Variants in CCDC148 observed in about 807,000 individuals in gnomAD.
CCDC148 encodes coiled-coil domain containing 148.
Under a neutral mutation model 85.7 loss-of-function variants are expected in CCDC148, and 89 were observed. That is an observed-to-expected ratio of 1.04 (90% CI 0.87 to 1.24). CCDC148 has a LOEUF of 1.24. Ranked by LOEUF, CCDC148 falls within the 50% of genes most tolerant of loss-of-function variation. The pLI is 0.00. For missense variants in CCDC148, 692 were observed against 671.7 expected (o/e 1.03, Z -0.33); for synonymous variants, 230 against 213.9 (o/e 1.08, Z -0.66).
At chr2:158,258,339 G>A (rs1213007833) in intron 9 of CCDC148, among the ~76,000 whole-genome samples, 3 of 151,732 alleles carry the variant, frequency 2.0e-5, no homozygotes, top group Non-Finnish European at 4.4e-5. Flanking sequence ...AAAGACCAAC[G>A]TTTTTATGTC....
intron 1 of CCDC148, among the ~76,000 whole-genome samples, chr2:158,413,279 A>G (rs1419893671): frequency 6.6e-6 from 1 of 152,116 alleles, no homozygotes; most frequent in Non-Finnish European, 1.5e-5. Context: ...TTTTTCACAA[A>G]AGGAATGTTT....
chr2:158,236,106 ATT>A (rs927165390), intron 10 of CCDC148: 1 of 152,226 alleles, frequency 6.6e-6, no homozygotes, highest in African/African-American at 2.4e-5. Flanking sequence ...AATGCCTTTT[ATT>A]ATAAATTGTT....
At chr2:158,413,791 G>A (rs948717939) in intron 1 of CCDC148, among the ~76,000 whole-genome samples, 1 of 152,108 alleles carries the variant, frequency 6.6e-6, no homozygotes, top group African/African-American at 2.4e-5. Context: ...AACAAAAATA[G>A]GCTGCTGGCC....
intron 3 of CCDC148, among the ~76,000 whole-genome samples, chr2:158,344,920 A>G (rs901256682): frequency 8.5e-5 from 13 of 152,126 alleles, no homozygotes; most frequent in African/African-American, 2.7e-4. Context: ...TTATAATCCA[A>G]TATGCTAAGT....
chr2:158,271,917 C>T (rs949198317), intron 9 of CCDC148, among the ~76,000 whole-genome samples: 5 of 152,162 alleles, frequency 3.3e-5, no homozygotes, highest in African/African-American at 1.2e-4. Context: ...AATTGCTCTT[C>T]CTGTTTCTCT....
Position 158,454,415 on chromosome 2 carries a change from A to G in CCDC148, c.25+2000T>C, listed in dbSNP as rs114222215. ...GAGAAGATGGCTCATGTTTAGGAGC[A>G]TAAGTGGAGTATGAGCCTTGAAGAG... is the stretch of plus-strand genomic sequence containing the variant. On this transcript the variant is annotated intron_variant, in intron 1 of 13. Coordinates refer to ENST00000283233, the MANE Select transcript of CCDC148 (RefSeq NM_138803.4). Among the ~76,000 whole-genome samples, 727 of 152,348 alleles carry G rather than the reference A, an allele frequency of 4.8e-3. 1 individual carries two copies. Among genetic ancestry groups the G allele is most frequent in the African/African-American group, 0.016 (664 of 41,586 alleles).
intron 9 of CCDC148, among the ~76,000 whole-genome samples, chr2:158,270,358 C>T (rs968227518): frequency 2.6e-5 from 4 of 152,078 alleles, no homozygotes; most frequent in African/African-American, 9.7e-5. Flanking sequence ...AGGATTCATG[C>T]CAGGGCTGGA....
chr2:158,276,117 A>G (rs1355830911), intron 9 of CCDC148, among the ~76,000 whole-genome samples: 1 of 152,188 alleles, frequency 6.6e-6, no homozygotes, highest in Non-Finnish European at 1.5e-5. Flanking sequence ...AGGATGAGAC[A>G]CTGGGAGTTT....
At chr2:158,431,026 T>C (rs1326180464) in intron 1 of CCDC148, among the ~76,000 whole-genome samples, 1 of 151,470 alleles carries the variant, frequency 6.6e-6, no homozygotes, top group African/African-American at 2.4e-5. Context: ...ATAGAAATTA[T>C]CTAAAATGAA....
rs766312049 is a variant in CCDC148 at position 158,340,324 on chromosome 2, G to T, written c.404C>A (p.Ala135Glu). ...GTGATGCTGTCTGTATTTTAGATCT[G>T]CTCTCAGCTGCTGAATAGGATTTAT... is the stretch of plus-strand genomic sequence containing the variant. ...NVINPIQQLRADLKYRQHHTL... is the reference protein window; with the variant it reads ...NVINPIQQLREDLKYRQHHTL... The change falls in exon 5 of 14, where the codon GCA becomes GAA. Residue 135 changes from alanine (A) to glutamate (E), a missense_variant. Transcript: ENST00000283233. The T allele has an allele frequency of 6.2e-7, 1 of 1,613,834 alleles. No individual in the cohort carries two copies. The highest frequency in any genetic ancestry group is 1.1e-5 in the South Asian group (1 of 91,068).
At chr2:158,183,572 G>C (rs891859983) in intron 11 of CCDC148, among the ~76,000 whole-genome samples, 4 of 151,960 alleles carry the variant, frequency 2.6e-5, no homozygotes, top group African/African-American at 7.2e-5. Context: ...AACAAACAAA[G>C]AAACAAACAA....
At chr2:158,189,205 G>A (rs968671282) in intron 11 of CCDC148, among the ~76,000 whole-genome samples, 1 of 151,872 alleles carries the variant, frequency 6.6e-6, no homozygotes, top group Non-Finnish European at 1.5e-5. Flanking sequence ...AGAGGAATCT[G>A]AAGATACCAT....
chr2:158,359,772 C>G (rs1393823638), intron 1 of CCDC148, among the ~76,000 whole-genome samples: 1 of 152,192 alleles, frequency 6.6e-6, no homozygotes, highest in African/African-American at 2.4e-5. Flanking sequence ...ACCAAGCTAG[C>G]TGCAGGAGTT....
At chr2:158,233,307 A>G (rs918331335) in intron 10 of CCDC148, among the ~76,000 whole-genome samples, 4 of 151,968 alleles carry the variant, frequency 2.6e-5, no homozygotes, top group Non-Finnish European at 4.4e-5. Context: ...AATTTTTCCC[A>G]TGTACTTCAT....
intron 9 of CCDC148, among the ~76,000 whole-genome samples, chr2:158,268,126 G>T (rs539715176): frequency 6.6e-6 from 1 of 152,274 alleles, no homozygotes; most frequent in East Asian, 1.9e-4. Flanking sequence ...GCATTGCTGA[G>T]TCGTACATGT....
chr2:158,433,091 A>AATATATATATATATATATATATAT (rs1553521584), intron 1 of CCDC148, among the ~76,000 whole-genome samples: 2 of 51,334 alleles, frequency 3.9e-5, no homozygotes, highest in Admixed American at 3.2e-4. Context: ...AAAAAAAAAA[A>AATATATATATATATATATATATAT]ATATATATAT....
At chr2:158,316,831 ATAG>A (rs1378097289) in intron 7 of CCDC148, among the ~76,000 whole-genome samples, 2 of 152,346 alleles carry the variant, frequency 1.3e-5, no homozygotes, top group African/African-American at 4.8e-5. Context: ...ATATTTAAAC[ATAG>A]TAGTCTCATC....
chr2:158,325,045 A>G (rs1574623225), intron 7 of CCDC148, among the ~76,000 whole-genome samples: 1 of 150,906 alleles, frequency 6.6e-6, no homozygotes, highest in Middle Eastern at 3.4e-3. Flanking sequence ...CCTTTACTAG[A>G]TTACTCTTAC....
intron 1 of CCDC148, among the ~76,000 whole-genome samples, chr2:158,437,471 C>T (rs1172950917): frequency 6.6e-6 from 1 of 152,116 alleles, no homozygotes; most frequent in Non-Finnish European, 1.5e-5. Context: ...ATTGATGGGA[C>T]ATATCTCAAA....
Sources: gnomAD v4.1 joint callset for allele counts (sites outside exome capture counted in the v4.1 genomes callset) on GRCh38, gnomAD v4.1.1 for gene constraint, MANE v1.5 for transcripts, NCBI Gene and HGNC (gene_info 2026-07-23, HGNC 2026-07-21) for gene names.